The following MYRIP variants were observed in gnomAD, a reference collection of about 807,000 sequenced individuals.
MYRIP encodes rab effector MyRIP.
MYRIP carries 49 observed loss-of-function variants against 98.0 expected under a neutral mutation model. That is an observed-to-expected ratio of 0.50 (90% CI 0.40 to 0.63). The LOEUF (loss-of-function observed/expected upper bound fraction) is 0.63. Among genes scored for constraint, MYRIP ranks in the 30% least tolerant of loss-of-function variants. The pLI, the probability that MYRIP is intolerant of heterozygous loss-of-function variation, is 0.00. For missense variants in MYRIP, 1,004 were observed against 1,058.2 expected (o/e 0.95, Z 0.71); for synonymous variants, 404 against 409.5 (o/e 0.99, Z 0.16).
chr3:39,864,408 T>C (rs2125622258), intron 1 of MYRIP, among the ~76,000 whole-genome samples: 1 of 152,274 alleles, frequency 6.6e-6, no homozygotes, highest in Non-Finnish European at 1.5e-5. Context: ...CAATAGTCTC[T>C]GCCCAAAAGC....
chr3:39,938,794 C>G (rs902097360), intron 2 of MYRIP, among the ~76,000 whole-genome samples: 19 of 152,136 alleles, frequency 1.2e-4, no homozygotes, highest in Non-Finnish European at 1.5e-5. Context: ...CATGCACCAC[C>G]AAGCCCGGCC....
chr3:39,927,617 C>A (rs1338965307), intron 2 of MYRIP, among the ~76,000 whole-genome samples: 1 of 151,966 alleles, frequency 6.6e-6, no homozygotes, highest in Non-Finnish European at 1.5e-5. Context: ...GCCAGACATA[C>A]AGAGAAGAGC....
Position 40,250,264 on chromosome 3 carries a change from G to A in MYRIP, c.2305G>A (p.Gly769Arg), listed in dbSNP as rs371464654. 6.2e-7 allele frequency: 1 copy of A among 1,613,996 alleles called. No homozygotes were observed. The highest frequency in any genetic ancestry group is 1.3e-5 in the African/African-American group (1 of 74,912). The change falls in exon 14 of 17, where the codon GGA (glycine) becomes AGA (arginine). Residue 769 changes from glycine (G) to arginine (R), a missense_variant. Gly to Arg is a moderately radical substitution (Grantham distance 125). This residue lies in a region of MYRIP where 108 missense variants were observed against 111.1 expected (regional missense o/e 0.97). Coordinates refer to ENST00000302541, the MANE Select transcript of MYRIP (RefSeq NM_015460.4). ...ESRISALTIA[G>R]LNIAPCVRFT... ...CCGGATTTCAGCCCTGACCATTGCA[G>A]GATTAAACATAGCACCATGTGTGCG...
At chr3:40,136,018 A>G (rs1333258346) in intron 3 of MYRIP, among the ~76,000 whole-genome samples, 1 of 152,248 alleles carries the variant, frequency 6.6e-6, no homozygotes, top group African/African-American at 2.4e-5. Context: ...GACAGGATCA[A>G]ATTCACACAT....
intron 2 of MYRIP, among the ~76,000 whole-genome samples, chr3:39,917,851 T>G (rs1481527645): frequency 1.3e-5 from 2 of 152,216 alleles, no homozygotes; most frequent in East Asian, 3.8e-4. Flanking sequence ...AGTATTAAGA[T>G]TCTATTAAAC....
chr3:39,891,478 A>G (rs1444508281), intron 1 of MYRIP, among the ~76,000 whole-genome samples: 1 of 152,168 alleles, frequency 6.6e-6, no homozygotes, highest in Non-Finnish European at 1.5e-5. Flanking sequence ...GAAGACTTTC[A>G]GATTATTTCC....
At chr3:39,975,465 A>G (rs572743644) in intron 2 of MYRIP, among the ~76,000 whole-genome samples, 37 of 152,114 alleles carry the variant, frequency 2.4e-4, no homozygotes, top group African/African-American at 8.2e-4. Flanking sequence ...GAAAATGGCC[A>G]TACTGCCCAA....
intron 2 of MYRIP, among the ~76,000 whole-genome samples, chr3:40,019,976 A>G (rs1308559189): frequency 6.6e-6 from 1 of 152,230 alleles, no homozygotes; most frequent in Non-Finnish European, 1.5e-5. Context: ...ATTTGAATCT[A>G]CATTTTTAAA....
intron 4 of MYRIP, among the ~76,000 whole-genome samples, chr3:40,158,660 C>T (rs1306934410): frequency 6.6e-6 from 1 of 152,142 alleles, no homozygotes; most frequent in Non-Finnish European, 1.5e-5. Flanking sequence ...TCAGGACTTG[C>T]TTTATGAATC....
intron 1 of MYRIP, among the ~76,000 whole-genome samples, chr3:39,825,236 A>G (rs1250598109): frequency 1.3e-5 from 2 of 152,194 alleles, no homozygotes; most frequent in Non-Finnish European, 2.9e-5. Flanking sequence ...TATGTTGAAT[A>G]AAAGTGGTGA....
At chr3:39,846,164 G>A (rs1941959669) in intron 1 of MYRIP, among the ~76,000 whole-genome samples, 1 of 150,376 alleles carries the variant, frequency 6.6e-6, no homozygotes, top group African/African-American at 2.5e-5. Context: ...AACAAAGGTG[G>A]TCCCCTGAAC....
At chr3:40,167,104 T>G (rs1310111392) in intron 6 of MYRIP, 55 bp from the exon 7 acceptor site, 14 of 1,572,676 alleles carry the variant, frequency 8.9e-6, no homozygotes, top group Admixed American at 1.7e-5. Context: ...GCAAAGTGAC[T>G]GCCAAGTCAC....
intron 2 of MYRIP, among the ~76,000 whole-genome samples, chr3:39,933,248 C>T (rs9814175): frequency 0.37 from 56,414 of 152,016 alleles, 10,783 homozygotes; most frequent in East Asian, 0.45. Context: ...CACAGCCACT[C>T]CACTTGTTTA....
intron 2 of MYRIP, among the ~76,000 whole-genome samples, chr3:39,925,501 T>A (rs1328253853): frequency 6.6e-6 from 1 of 151,912 alleles, no homozygotes; most frequent in African/African-American, 2.4e-5. Context: ...TCTCCAGTAC[T>A]CCCCAGTGTC....
chr3:39,838,137 A>T (rs1941682453), intron 1 of MYRIP, among the ~76,000 whole-genome samples: 1 of 152,200 alleles, frequency 6.6e-6, no homozygotes, highest in Non-Finnish European at 1.5e-5. Flanking sequence ...CTAAATATAC[A>T]ATCATGTCAT....
chr3:39,901,697 T>A (rs1018126142), intron 2 of MYRIP, among the ~76,000 whole-genome samples: 2 of 152,188 alleles, frequency 1.3e-5, no homozygotes, highest in South Asian at 4.1e-4. Flanking sequence ...CCTTAGACAC[T>A]AAGCAAAAAC....
At chr3:39,985,704 G>A (rs1345830798) in intron 2 of MYRIP, among the ~76,000 whole-genome samples, 1 of 150,610 alleles carries the variant, frequency 6.6e-6, no homozygotes, top group Non-Finnish European at 1.5e-5. Context: ...ACAAGCAATG[G>A]GGAAAGGATT....
intron 3 of MYRIP, among the ~76,000 whole-genome samples, chr3:40,112,370 A>C (rs1949177087): frequency 6.6e-6 from 1 of 152,202 alleles, no homozygotes; most frequent in Non-Finnish European, 1.5e-5. Flanking sequence ...TGTTTGACTC[A>C]CACTGGTCCT....
At chr3:39,823,598 T>C (rs1482247654) in intron 1 of MYRIP, among the ~76,000 whole-genome samples, 2 of 152,244 alleles carry the variant, frequency 1.3e-5, no homozygotes, top group Non-Finnish European at 2.9e-5. Flanking sequence ...ATTTTCCTGA[T>C]AATTAGTGAT....
Sources: gnomAD v4.1 joint callset for allele counts (sites outside exome capture counted in the v4.1 genomes callset) on GRCh38, gnomAD v4.1.1 for gene constraint, gnomAD v4.1.1 regional missense constraint, MANE v1.5 for transcripts, NCBI Gene and HGNC (gene_info 2026-07-23, HGNC 2026-07-21) for gene names.